The following MORC3 variants were observed in gnomAD, a reference collection of about 807,000 sequenced individuals.
MORC3 encodes MORC family CW-type zinc finger 3.
MORC3 carries 31 observed loss-of-function variants against 109.1 expected under a neutral mutation model. That is an observed-to-expected ratio of 0.28 (90% CI 0.21 to 0.38). The LOEUF (loss-of-function observed/expected upper bound fraction) is 0.38. Among genes scored for constraint, MORC3 ranks in the 10% least tolerant of loss-of-function variants. MORC3 has a pLI of 1.00. For missense variants in MORC3, 867 were observed against 1,135.8 expected (o/e 0.76, Z 3.40); for synonymous variants, 395 against 380.7 (o/e 1.04, Z -0.44).
intron 1 of MORC3, among the ~76,000 whole-genome samples, chr21:36,325,972 C>T (rs994465447): frequency 1.3e-5 from 2 of 151,622 alleles, no homozygotes; most frequent in African/African-American, 4.8e-5. Flanking sequence ...TTTGGGAGGC[C>T]GAGGCAGGGG....
At chr21:36,363,231 C>A (rs1381614690) in intron 13 of MORC3, among the ~76,000 whole-genome samples, 2 of 151,986 alleles carry the variant, frequency 1.3e-5, no homozygotes, top group Non-Finnish European at 2.9e-5. Context: ...CCAGCCTGGG[C>A]AATATGGCAA....
Position 36,372,334 on chromosome 21 carries a change from T to A in MORC3, c.2509-40T>A, listed in dbSNP as rs1396435810. The stretch of plus-strand genomic sequence containing the variant: ...AATTTCACTTTGCCATTAGTATTTT[T>A]AAGTTTTACAGTTATAAAGCTCATT... On this transcript the variant is annotated intron_variant, in intron 15 of 16. Transcript: ENST00000400485. The A allele has an allele frequency of 1.5e-5, 22 of 1,470,094 alleles. 1 individual carries two copies. Among genetic ancestry groups the A allele is most frequent in the Non-Finnish European group, 2.0e-5 (22 of 1,110,102 alleles). 91.1% of individuals were successfully genotyped at this position (1,470,094 alleles called of 1,614,324 possible).
intron 1 of MORC3, among the ~76,000 whole-genome samples, chr21:36,332,818 C>T (rs1226875869): frequency 6.5e-5 from 9 of 139,050 alleles, no homozygotes; most frequent in Admixed American, 3.1e-4. Context: ...GATGGAGTCT[C>T]GCTCTGTTGC....
rs558303702 is a variant in MORC3, at chr21:36,331,568, C to CTCCA, written c.40-2077_40-2074dup. On this transcript the variant is annotated intron_variant, in intron 1 of 16. Transcript: ENST00000400485. ...AGTGAGCTGAGATGGCGCCACTGCA[C>CTCCA]TCCAGCCTGGGCAGCAGAGCGAGAC... is the stretch of plus-strand genomic sequence containing the variant. Among the ~76,000 whole-genome samples the CTCCA allele has an allele frequency of 7.6e-4, 116 of 152,010 alleles. 1 individual carries two copies. Among genetic ancestry groups the CTCCA allele is most frequent in the African/African-American group, 2.4e-3 (100 of 41,460 alleles).
chr21:36,358,962 A>G (rs2085680556), intron 10 of MORC3, among the ~76,000 whole-genome samples: 1 of 152,178 alleles, frequency 6.6e-6, no homozygotes, highest in African/African-American at 2.4e-5. Context: ...TACAGGCATG[A>G]GCCACCGCGC....
chr21:36,346,555 C>T (rs1446540655), intron 8 of MORC3, among the ~76,000 whole-genome samples: 2 of 151,884 alleles, frequency 1.3e-5, no homozygotes, highest in East Asian at 1.9e-4. Flanking sequence ...CACCTGTAAT[C>T]CCAGCATATT....
chr21:36,329,154 G>T (rs772262103), intron 1 of MORC3, among the ~76,000 whole-genome samples: 1 of 152,124 alleles, frequency 6.6e-6, no homozygotes, highest in Non-Finnish European at 1.5e-5. Flanking sequence ...AATTAGCTGG[G>T]CGTGGTGGCA....
intron 3 of MORC3, 32 bp downstream of exon 3, chr21:36,337,038 T>G: frequency 6.3e-7 from 1 of 1,597,374 alleles, no homozygotes; most frequent in Non-Finnish European, 8.5e-7. Context: ...TTCTTAAAAT[T>G]GTTGCTTTTA....
intron 6 of MORC3, among the ~76,000 whole-genome samples, chr21:36,342,989 A>T (rs2085467302): frequency 6.6e-6 from 1 of 151,652 alleles, no homozygotes; most frequent in Admixed American, 6.6e-5. Context: ...ATTACACTCC[A>T]GCCTGGGCAA....
chr21:36,350,542 CAA>C (rs34750900), intron 9 of MORC3, among the ~76,000 whole-genome samples: 586 of 116,282 alleles, frequency 5.0e-3, no homozygotes, highest in African/African-American at 0.011. Context: ...CACCCTGCCT[CAA>C]AAAAAAAAAA....
At chr21:36,336,524 G>A (rs1216889365) in intron 2 of MORC3, among the ~76,000 whole-genome samples, 1 of 152,210 alleles carries the variant, frequency 6.6e-6, no homozygotes, top group Non-Finnish European at 1.5e-5. Context: ...GATTACAGGC[G>A]TGAGCCACCA....
Position 36,349,251 on chromosome 21 carries a change from G to A in MORC3, c.1006-60G>A, listed in dbSNP as rs1484836418. On this transcript the variant is annotated intron_variant, in intron 8 of 16. Coordinates refer to ENST00000400485, the MANE Select transcript of MORC3 (RefSeq NM_015358.3). ...ATATACAAACTATAATTCTTTAAGG[G>A]TAATTATTTTGAGCATCATGTCTTA... 8 of 1,012,662 alleles carry A rather than the reference G, an allele frequency of 7.9e-6. No individual in the cohort carries two copies. In the South Asian group the frequency reaches 1.1e-4, roughly 14 times the overall value. 62.7% of individuals were successfully genotyped at this position (1,012,662 alleles called of 1,614,324 possible).
chr21:36,350,011 A>G (rs1044261338), intron 9 of MORC3, among the ~76,000 whole-genome samples: 7 of 152,186 alleles, frequency 4.6e-5, no homozygotes, highest in African/African-American at 9.7e-5. Context: ...AACTGAATGA[A>G]TCAAAAAAGT....
chr21:36,370,639 A>AT lies in MORC3; in HGVS notation c.2508+795dup, dbSNP rs869169013. On this transcript the variant is annotated intron_variant, in intron 15 of 16. Coordinates refer to ENST00000400485, the MANE Select transcript of MORC3 (RefSeq NM_015358.3). ...TATATATATATATATATATATATAT[A>AT]TTTTTTTTTTTTTTTTTTTTTTTTT... Among the ~76,000 whole-genome samples, 78 of 37,544 alleles carry AT rather than the reference A, an allele frequency of 2.1e-3. 6 individuals carry two copies. The highest frequency in any genetic ancestry group is 3.2e-3 in the Admixed American group (8 of 2,470). The allele number at this position is 37,544 out of a possible 152,430, so 24.6% of individuals were successfully genotyped here. A position where few individuals can be genotyped will look rare whatever the true frequency, so the allele number is the denominator to read the frequency against.
Position 36,335,459 on chromosome 21 carries a change from G to C in MORC3, c.113-1415G>C, listed in dbSNP as rs183791418. Among the ~76,000 whole-genome samples, 504 of 151,906 alleles carry C rather than the reference G, an allele frequency of 3.3e-3. 3 individuals are homozygous for C. The highest frequency in any genetic ancestry group is 0.012 in the African/African-American group (482 of 41,456). On this transcript the variant is annotated intron_variant, in intron 2 of 16. Transcript: ENST00000400485. ...GCCTCCCGAGTAGCTGGGACTACAG[G>C]CACATGCCACCGCTCCTGGCTAATT...
intron 9 of MORC3, among the ~76,000 whole-genome samples, chr21:36,355,854 C>A (rs1443637594): frequency 6.6e-6 from 1 of 151,644 alleles, no homozygotes; most frequent in Non-Finnish European, 1.5e-5. Context: ...TACTCAGGCG[C>A]CTCAACCTAC....
chr21:36,366,569 C>T (rs573409195), intron 14 of MORC3, among the ~76,000 whole-genome samples: 1 of 152,188 alleles, frequency 6.6e-6, no homozygotes, highest in South Asian at 2.1e-4. Flanking sequence ...ACTCCCCTGC[C>T]TCAGCCTCCT....
chr21:36,329,553 T>A (rs1481614014), intron 1 of MORC3, among the ~76,000 whole-genome samples: 1 of 152,170 alleles, frequency 6.6e-6, no homozygotes, highest in Non-Finnish European at 1.5e-5. Flanking sequence ...TCTCCTTGTT[T>A]GGTAGTATAA....
At chr21:36,349,491 A>C (rs2085547717) in intron 9 of MORC3, 83 bp downstream of exon 9, 4 of 828,172 alleles carry the variant, frequency 4.8e-6, no homozygotes, top group Non-Finnish European at 7.3e-6. Context: ...TTTTCTGTGA[A>C]TCTCAGAAAT....
Sources: allele counts gnomAD v4.1 joint callset (sites outside exome capture counted in the v4.1 genomes callset), GRCh38; gene constraint gnomAD v4.1.1; transcripts MANE v1.5; gene names NCBI Gene and HGNC (gene_info 2026-07-23, HGNC 2026-07-21).